Variants in MCOLN2 observed in about 807,000 individuals in gnomAD.
The protein encoded by MCOLN2 is mucolipin TRP cation channel 2, also known as mucolipin-2.
Under a neutral mutation model 67.5 loss-of-function variants are expected in MCOLN2, and 57 were observed. The observed-to-expected ratio is 0.84, with a 90% confidence interval of 0.68 to 1.05. The LOEUF is 1.05. Ranked by LOEUF, MCOLN2 falls within the 50% of genes least tolerant of loss-of-function variation. MCOLN2 has a pLI of 0.00. For missense variants in MCOLN2, 620 were observed against 678.8 expected (o/e 0.91, Z 0.96); for synonymous variants, 246 against 233.3 (o/e 1.05, Z -0.50).
Position 84,975,289 on chromosome 1 carries a change from C to T in MCOLN2, c.78-9581G>A, listed in dbSNP as rs139096583. Among the ~76,000 whole-genome samples the T allele has an allele frequency of 2.0e-3, 300 of 152,294 alleles. 1 individual carries two copies. The highest frequency in any genetic ancestry group is 3.5e-3 in the Non-Finnish European group (236 of 68,016). On this transcript the variant is annotated intron_variant, in intron 1 of 13. Transcript: ENST00000370608. ...CCCAGTGTAGTCACAGAGGTAGTAGCCACAGGGGTGCTTGTGTCACTCCAT... is the reference window on the plus strand; with the variant it reads ...CCCAGTGTAGTCACAGAGGTAGTAGTCACAGGGGTGCTTGTGTCACTCCAT...
In MCOLN2 at chr1:84,965,714, A is replaced by T. The variant is rs1463669980; in HGVS notation, c.78-6T>A. 1 of 1,608,882 alleles carries T rather than the reference A, an allele frequency of 6.2e-7. No individual in the cohort carries two copies. Among genetic ancestry groups the T allele is most frequent in the Non-Finnish European group, 8.5e-7 (1 of 1,178,308 alleles). On this transcript the variant is annotated splice_region_variant and splice_polypyrimidine_tract_variant and intron_variant, in intron 1 of 13. Coordinates refer to ENST00000370608, the MANE Select transcript of MCOLN2 (RefSeq NM_153259.4). ...CACGATGTGCCATTGCATTTCTGCC[A>T]CAGAAGATTAATTTTAAATATCCAG...
chr1:84,964,568 T>C (rs1373232085), intron 2 of MCOLN2, among the ~76,000 whole-genome samples: 2 of 152,050 alleles, frequency 1.3e-5, no homozygotes, highest in Non-Finnish European at 2.9e-5. Context: ...TCAAGTGCAT[T>C]ACACTAGTTG....
At chr1:84,996,393 C>CATATAT (rs6143310) in intron 1 of MCOLN2, among the ~76,000 whole-genome samples, 1,684 of 123,228 alleles carry the variant, frequency 0.014, 40 homozygotes, top group African/African-American at 0.023. Context: ...GTATATATTT[C>CATATAT]ATATATATAT....
intron 1 of MCOLN2, among the ~76,000 whole-genome samples, chr1:84,969,967 T>C (rs1213576121): frequency 6.6e-6 from 1 of 152,086 alleles, no homozygotes; most frequent in Non-Finnish European, 1.5e-5. Context: ...ACTGGGCGCA[T>C]TGAGGGAGGC....
chr1:84,947,198 G>T, intron 6 of MCOLN2, 66 bp from the exon 7 acceptor site: 1 of 833,290 alleles, frequency 1.2e-6, no homozygotes. Context: ...GATCAAATCT[G>T]CTTAAAAAAA....
intron 3 of MCOLN2, among the ~76,000 whole-genome samples, chr1:84,957,473 T>C (rs544636412): frequency 3.9e-5 from 6 of 152,310 alleles, no homozygotes; most frequent in South Asian, 2.1e-4. Flanking sequence ...AAAAAATTCA[T>C]TGAAATAGAT....
At chr1:84,974,562 G>C (rs1254600210) in intron 1 of MCOLN2, among the ~76,000 whole-genome samples, 7 of 151,816 alleles carry the variant, frequency 4.6e-5, no homozygotes, top group Non-Finnish European at 7.4e-5. Flanking sequence ...GCCTTGAAGG[G>C]AAGAACCCAT....
Position 84,952,467 on chromosome 1 carries a change from A to C in MCOLN2, c.629T>G (p.Phe210Cys), listed in dbSNP as rs1388800740. ...KKPPDWKNSS[F>C]FRLEFYRLLQ... ...TTACCGATAAAATTCCAGTCTGAAG[A>C]ATGATGAGTTCTTCCAGTCCGGAGG... The change falls in exon 5 of 14, where the codon TTC becomes TGC. Residue 210 changes from phenylalanine (F) to cysteine (C), a missense_variant. Physicochemically the swap from Phe to Cys is radical, Grantham distance 205. Transcript: ENST00000370608. The C allele has an allele frequency of 4.3e-6, 7 of 1,612,954 alleles. No individual in the cohort carries two copies. In the African/African-American group the frequency reaches 9.3e-5, roughly 21 times the overall value.
At chr1:84,973,922 T>G (rs1649865359) in intron 1 of MCOLN2, among the ~76,000 whole-genome samples, 2 of 152,212 alleles carry the variant, frequency 1.3e-5, no homozygotes, top group South Asian at 4.1e-4. Context: ...CCTGAAGCAC[T>G]GATACCACCC....
At chr1:84,950,999 G>T (rs1283617279) in intron 6 of MCOLN2, among the ~76,000 whole-genome samples, 2 of 152,100 alleles carry the variant, frequency 1.3e-5, no homozygotes, top group African/African-American at 4.8e-5. Flanking sequence ...AGTCATCAAT[G>T]ACCTCATCCT....
chr1:84,962,669 G>A (rs1454326646), intron 2 of MCOLN2, among the ~76,000 whole-genome samples: 1 of 152,192 alleles, frequency 6.6e-6, no homozygotes, highest in Non-Finnish European at 1.5e-5. Context: ...GAAAGGTGAG[G>A]GAGAAAAAGA....
chr1:84,987,619 T>C (rs1260532054), intron 1 of MCOLN2, among the ~76,000 whole-genome samples: 39 of 108,214 alleles, frequency 3.6e-4, no homozygotes, highest in African/African-American at 7.8e-4. Context: ...TCAATCTATA[T>C]ATACATATGT....
chr1:84,978,562 A>T (rs2486755), intron 1 of MCOLN2, among the ~76,000 whole-genome samples: 1 of 151,874 alleles, frequency 6.6e-6, no homozygotes, highest in Admixed American at 6.6e-5. Context: ...TCACATCATT[A>T]TTGGATACTA....
chr1:84,997,008 C>T lies in MCOLN2; in HGVS notation c.-136G>A. The T allele has an allele frequency of 1.4e-6, 1 of 736,718 alleles. No individual in the cohort carries two copies. Among genetic ancestry groups the T allele is most frequent in the South Asian group, 1.8e-5 (1 of 55,842 alleles). The allele number at this position is 736,718 out of a possible 1,614,324, so 45.6% of individuals were successfully genotyped here. A position where few individuals can be genotyped will look rare whatever the true frequency, so the allele number is the denominator to read the frequency against. On this transcript the variant is annotated 5_prime_UTR_variant, in exon 1 of 14. Coordinates refer to ENST00000370608, the MANE Select transcript of MCOLN2 (RefSeq NM_153259.4). Reference sequence around the variant, plus strand: ...GCAAAGCGGGGTTCCCTTCTCTTACCCTTTCTGCCGGCCGCGTGGTGCGCG... The same window carrying T: ...GCAAAGCGGGGTTCCCTTCTCTTACTCTTTCTGCCGGCCGCGTGGTGCGCG...
At position 84,955,954 on chromosome 1, in the gene MCOLN2, A is replaced by G. The variant is rs141417063; in HGVS notation, c.565+477T>C. Among the ~76,000 whole-genome samples, 463 of 152,308 alleles carry G rather than the reference A, an allele frequency of 3.0e-3. 2 individuals are homozygous for G. The highest frequency in any genetic ancestry group is 4.8e-3 in the Admixed American group (74 of 15,300). On this transcript the variant is annotated intron_variant, in intron 4 of 13. Transcript: ENST00000370608. ...ATTCTTAACAAAATAGCACAAAACAATTCGACTTGATTAGCCATTAACTTG... is the reference window on the plus strand; with the variant it reads ...ATTCTTAACAAAATAGCACAAAACAGTTCGACTTGATTAGCCATTAACTTG...
chr1:84,980,270 C>T (rs753797771), intron 1 of MCOLN2, among the ~76,000 whole-genome samples: 8 of 151,174 alleles, frequency 5.3e-5, no homozygotes, highest in Non-Finnish European at 1.0e-4. Context: ...AATGCAATCC[C>T]TATCAAAATA....
chr1:84,958,095 T>C (rs1166771099), intron 3 of MCOLN2, among the ~76,000 whole-genome samples: 1 of 152,148 alleles, frequency 6.6e-6, no homozygotes, highest in East Asian at 1.9e-4. Flanking sequence ...ATTTACTTAT[T>C]TATTTTGTAG....
rs1315063254 is a variant in MCOLN2, at chr1:84,958,654, C to A, written c.286G>T (p.Asp96Tyr). ...AAGTGCTTAAAAGCAACAGTGTTAT[C>A]TTCTTTGAAAGCAACCACCAGCTGG... is the stretch of plus-strand genomic sequence containing the variant. The part of the protein sequence containing the change: ...SNQLVVAFKE[D>Y]NTVAFKHLFL... The change falls in exon 3 of 14, where the codon GAT becomes TAT. Residue 96 changes from aspartate to tyrosine, a missense_variant. Transcript: ENST00000370608. The A allele has an allele frequency of 6.2e-7, 1 of 1,600,962 alleles. No homozygotes were observed. The highest frequency in any genetic ancestry group is 1.3e-5 in the African/African-American group (1 of 74,406).
chr1:84,940,066 C>A (rs951787488), intron 8 of MCOLN2, among the ~76,000 whole-genome samples: 1 of 152,054 alleles, frequency 6.6e-6, no homozygotes, highest in Non-Finnish European at 1.5e-5. Flanking sequence ...ACTGAGGCAC[C>A]GAGAGGCTAA....
Sources: gnomAD v4.1 joint callset for allele counts (sites outside exome capture counted in the v4.1 genomes callset) on GRCh38, gnomAD v4.1.1 for gene constraint, MANE v1.5 for transcripts, NCBI Gene and HGNC (gene_info 2026-07-23, HGNC 2026-07-21) for gene names.